ZNF638: variants seen among roughly 807,000 people sequenced by gnomAD.
The protein encoded by ZNF638 is CTCL tumor antigen se33-1.
Under a neutral mutation model 195.6 loss-of-function variants are expected in ZNF638, and 46 were observed. The ratio of observed to expected loss-of-function variants is 0.24; its 90% confidence interval spans 0.19 to 0.30. The LOEUF is 0.30. Ranked by LOEUF, ZNF638 falls within the 10% of genes least tolerant of loss-of-function variation. The pLI, the probability that ZNF638 is intolerant of heterozygous loss-of-function variation, is 1.00. For missense variants in ZNF638, 2,440 were observed against 2,325.3 expected (o/e 1.05, Z -1.01); for synonymous variants, 845 against 772.0 (o/e 1.09, Z -1.57).
chr2:71,392,433 G>A (rs151095659), intron 10 of ZNF638, among the ~76,000 whole-genome samples: 90 of 152,264 alleles, frequency 5.9e-4, no homozygotes, highest in African/African-American at 1.6e-3. Flanking sequence ...AACCGAATCC[G>A]TTCAGCCCAT....
At chr2:71,419,764 A>G (rs1469784573) in intron 21 of ZNF638, among the ~76,000 whole-genome samples, 1 of 152,094 alleles carries the variant, frequency 6.6e-6, no homozygotes, top group East Asian at 1.9e-4. Context: ...GGCAAAACCC[A>G]TTTTATTTCA....
intron 10 of ZNF638, chr2:71,393,385 C>T (rs537593595): frequency 1.3e-5 from 9 of 717,514 alleles, no homozygotes; most frequent in East Asian, 2.7e-5. Flanking sequence ...GTGTTCACAC[C>T]CCCCTCAGGC....
At chr2:71,357,686 A>G (rs566371656) in intron 3 of ZNF638, among the ~76,000 whole-genome samples, 16 of 152,260 alleles carry the variant, frequency 1.1e-4, no homozygotes, top group African/African-American at 3.6e-4. Context: ...TTTTTCATAC[A>G]TGTAGGACCC....
chr2:71,430,238 T>C (rs1409948394), intron 25 of ZNF638, among the ~76,000 whole-genome samples: 1 of 151,982 alleles, frequency 6.6e-6, no homozygotes, highest in African/African-American at 2.4e-5. Context: ...ACTATTAAGA[T>C]AAATGTGCCT....
At chr2:71,352,506 A>G (rs1376152734) in intron 2 of ZNF638, among the ~76,000 whole-genome samples, 6 of 151,010 alleles carry the variant, frequency 4.0e-5, no homozygotes, top group African/African-American at 1.2e-4. Context: ...AAAAAAAAAA[A>G]AAAAGAAGAG....
chr2:71,333,076 A>AG (rs1323579702), intron 1 of ZNF638: 1 of 152,236 alleles, frequency 6.6e-6, no homozygotes, highest in African/African-American at 2.4e-5. Flanking sequence ...GACCAAAAAA[A>AG]GGTGAATTTA....
intron 17 of ZNF638, among the ~76,000 whole-genome samples, chr2:71,405,370 G>A (rs2080085971): frequency 6.6e-6 from 1 of 152,092 alleles, no homozygotes; most frequent in Admixed American, 6.5e-5. Context: ...TATCTTATTA[G>A]TCTTTTATAT....
chr2:71,373,299 A>G lies in ZNF638; in HGVS notation c.2265+3294A>G, dbSNP rs1275033358. Among the ~76,000 whole-genome samples, 6 of 73,914 alleles carry G rather than the reference A, an allele frequency of 8.1e-5. No homozygotes were observed. The South Asian group carries it at 1.4e-3, about 17-fold the overall frequency. The allele number at this position is 73,914 out of a possible 152,430, so 48.5% of individuals were successfully genotyped here. On this transcript the variant is annotated intron_variant, in intron 8 of 27. Coordinates refer to ENST00000264447, the MANE Select transcript of ZNF638 (RefSeq NM_014497.5). ...AGTTGTCTGTATCTTTTCCTATTTT[A>G]TTATTGTTGTCTTTTTAAAAATATT...
In ZNF638 at chr2:71,348,814, A is replaced by T. The variant is rs899313378; in HGVS notation, c.-141A>T. ...GAATTCCTTGAACCTGGGCATTGCA[A>T]ACCCACTTCTGTTGGGCCCATCTCC... is the stretch of plus-strand genomic sequence containing the variant. On this transcript the variant is annotated 5_prime_UTR_variant, in exon 2 of 28. Coordinates refer to ENST00000264447, the MANE Select transcript of ZNF638 (RefSeq NM_014497.5). 3 of 1,591,040 alleles carry T rather than the reference A, an allele frequency of 1.9e-6. No homozygotes were observed. Among genetic ancestry groups the T allele is most frequent in the Non-Finnish European group, 2.6e-6 (3 of 1,172,084 alleles).
chr2:71,389,229 A>T (rs1370739553), intron 10 of ZNF638, among the ~76,000 whole-genome samples: 1 of 152,146 alleles, frequency 6.6e-6, no homozygotes, highest in Non-Finnish European at 1.5e-5. Flanking sequence ...CAAGGGATAC[A>T]CTACAGCTGT....
intron 19 of ZNF638, chr2:71,407,767 A>C (rs2080134499): frequency 1.3e-5 from 2 of 158,524 alleles, no homozygotes; most frequent in Non-Finnish European, 2.8e-5. Context: ...ATGTATGTGG[A>C]ATTATATTTG....
At chr2:71,417,360 A>T (rs6546690) in intron 20 of ZNF638, among the ~76,000 whole-genome samples, 1 of 120,970 alleles carries the variant, frequency 8.3e-6, no homozygotes, top group East Asian at 2.6e-4. Flanking sequence ...GCACACACTG[A>T]CCTGCGCCCA....
chr2:71,400,596 A>G (rs1216462906), intron 15 of ZNF638, 78 bp downstream of exon 15: 79 of 1,268,720 alleles, frequency 6.2e-5, no homozygotes, highest in Non-Finnish European at 8.0e-5. Flanking sequence ...AAACCCAGGT[A>G]AAAAATTCAT....
In ZNF638 at chr2:71,426,749, A is replaced by G. The variant is rs763320625; in HGVS notation, c.4880A>G (p.Glu1627Gly). ...ALVTVDEVID[E>G]EELNMEEMVK... ...GTCACTGTGGATGAAGTAATTGATG[A>G]AGAAGAACTAAATATGGAAGAAATG... The change falls in exon 24 of 28, where the codon GAA becomes GGA. Residue 1627 changes from glutamate (E) to glycine (G), a missense_variant. By Grantham distance (98) the Glu-to-Gly change is moderately conservative. This residue lies in a region of ZNF638 where 1,883 missense variants were observed against 1,739.1 expected (regional missense o/e 1.08). Coordinates refer to ENST00000264447, the MANE Select transcript of ZNF638 (RefSeq NM_014497.5). 17 of 1,613,694 alleles carry G rather than the reference A, an allele frequency of 1.1e-5. No homozygotes were observed. The highest frequency in any genetic ancestry group is 1.4e-5 in the Non-Finnish European group (17 of 1,179,788).
chr2:71,356,056 C>T (rs1054807980), intron 3 of ZNF638, among the ~76,000 whole-genome samples: 3 of 152,212 alleles, frequency 2.0e-5, no homozygotes, highest in Non-Finnish European at 4.4e-5. Context: ...TCCCCAGGAT[C>T]TTTTATCTAT....
intron 2 of ZNF638, among the ~76,000 whole-genome samples, chr2:71,354,107 AATT>A (rs1362204885): frequency 6.6e-6 from 1 of 152,226 alleles, no homozygotes; most frequent in East Asian, 1.9e-4. Context: ...CAGAATCCAA[AATT>A]ATTGTCAACC....
chr2:71,400,293 T>A (rs2079980678), intron 14 of ZNF638, 113 bp downstream of exon 14: 2 of 1,065,118 alleles, frequency 1.9e-6, no homozygotes, highest in African/African-American at 3.2e-5. Context: ...TCTGAAATTT[T>A]GATCTCAGAA....
intron 10 of ZNF638, chr2:71,395,783 G>T: frequency 2.5e-6 from 1 of 394,318 alleles, no homozygotes; most frequent in Non-Finnish European, 4.7e-6. Flanking sequence ...TTTTTCATCC[G>T]TCGCTCAGCC....
At position 71,396,171 on chromosome 2, in the gene ZNF638, C is replaced by G. The variant is rs1430354894; in HGVS notation, c.2408C>G (p.Ala803Gly). ...AKTGQAKASV[A>G]KVNKSTGKSA... Reference sequence around the variant, plus strand: ...ACTGGACAAGCCAAGGCATCTGTAGCCAAAGTAAACAAATCTACAGGTATG... The same window carrying G: ...ACTGGACAAGCCAAGGCATCTGTAGGCAAAGTAAACAAATCTACAGGTATG... Residue 803 changes from alanine to glycine, a missense_variant, in exon 11 of 28, where the codon GCC becomes GGC. This residue lies in a region of ZNF638 where 1,883 missense variants were observed against 1,739.1 expected (regional missense o/e 1.08). Transcript: ENST00000264447. 2 of 1,612,826 alleles carry G rather than the reference C, an allele frequency of 1.2e-6. No individual in the cohort carries two copies. Among genetic ancestry groups the G allele is most frequent in the Non-Finnish European group, 8.5e-7 (1 of 1,179,650 alleles).
Sources: allele counts gnomAD v4.1 joint callset (sites outside exome capture counted in the v4.1 genomes callset), GRCh38; gene constraint gnomAD v4.1.1; regional missense constraint gnomAD v4.1.1; transcripts MANE v1.5; gene names NCBI Gene and HGNC (gene_info 2026-07-23, HGNC 2026-07-21).